Variants in PIK3C2G observed in about 807,000 individuals in gnomAD.
The protein encoded by PIK3C2G is phosphatidylinositol-4-phosphate 3-kinase catalytic subunit type 2 gamma, also known as phosphatidylinositol 3-kinase C2 domain-containing subunit gamma.
Under a neutral mutation model 181.1 loss-of-function variants are expected in PIK3C2G, and 168 were observed. The ratio of observed to expected loss-of-function variants is 0.93; its 90% confidence interval spans 0.82 to 1.05. The LOEUF (loss-of-function observed/expected upper bound fraction) is 1.05. Ranked by LOEUF, PIK3C2G falls within the 50% of genes least tolerant of loss-of-function variation. PIK3C2G has a pLI of 0.00. For synonymous variants in PIK3C2G, 573 were observed against 592.2 expected, an observed-to-expected ratio of 0.97 and a Z score of 0.47; for missense variants, 1,869 against 1,732.8, an observed-to-expected ratio of 1.08 and a Z score of -1.40.
At chr12:18,576,144 A>G (rs188316969) in intron 29 of PIK3C2G, among the ~76,000 whole-genome samples, 1 of 152,356 alleles carries the variant, frequency 6.6e-6, no homozygotes, top group Non-Finnish European at 1.5e-5. Context: ...AAAAATTTAG[A>G]AAAAGAAGTT....
At chr12:18,538,046 A>T in intron 24 of PIK3C2G, 110 bp from the exon 25 acceptor site, 2 of 990,428 alleles carry the variant, frequency 2.0e-6, no homozygotes, top group Non-Finnish European at 3.0e-6. Flanking sequence ...CTATTACAGT[A>T]GAGAAAAAAA....
intron 7 of PIK3C2G, 149 bp from the exon 8 acceptor site, chr12:18,324,886 G>GT: frequency 1.9e-6 from 1 of 527,632 alleles, no homozygotes; most frequent in Non-Finnish European, 3.3e-6. Context: ...CTTCTGAGAT[G>GT]TTTTTAAAAT....
Position 18,274,443 on chromosome 12 carries a change from C to G in PIK3C2G, c.-78-7561C>G, listed in dbSNP as rs576512364. ...GATAGACTGGATTAAGAAAATGTGG[C>G]ACATATACACCATGGAATACTATGC... On this transcript the variant is annotated intron_variant, in intron 1 of 32. Coordinates refer to ENST00000538779, the MANE Select transcript of PIK3C2G (RefSeq NM_001288772.2). Among the ~76,000 whole-genome samples the G allele has an allele frequency of 9.3e-4, 141 of 152,296 alleles. 2 individuals are homozygous for G. Among genetic ancestry groups the G allele is most frequent in the African/African-American group, 3.3e-3 (137 of 41,564 alleles).
intron 31 of PIK3C2G, among the ~76,000 whole-genome samples, chr12:18,611,505 A>G (rs1002171174): frequency 2.0e-5 from 3 of 151,980 alleles, no homozygotes; most frequent in African/African-American, 7.3e-5. Flanking sequence ...TCTTTTCCAA[A>G]TCTACAATTC....
intron 31 of PIK3C2G, among the ~76,000 whole-genome samples, chr12:18,614,845 C>G (rs1038959340): frequency 7.9e-5 from 12 of 152,128 alleles, no homozygotes; most frequent in African/African-American, 2.9e-4. Flanking sequence ...AACAGTTATA[C>G]AATATGGCCC....
chr12:18,596,749 G>C (rs571693089), intron 30 of PIK3C2G, among the ~76,000 whole-genome samples: 1 of 152,116 alleles, frequency 6.6e-6, no homozygotes, highest in African/African-American at 2.4e-5. Flanking sequence ...GAGAACTTGA[G>C]GCCATGCCAT....
At chr12:18,650,668 G>A (rs1446784373), downstream of PIK3C2G, among the ~76,000 whole-genome samples, 4 of 13,308 alleles carry the variant, frequency 3.0e-4, no homozygotes, top group African/African-American at 7.1e-4. Context: ...ATATAAATGT[G>A]TGTGTGTGTG....
intron 31 of PIK3C2G, among the ~76,000 whole-genome samples, chr12:18,617,312 G>A (rs74828794): frequency 0.013 from 1,938 of 152,158 alleles, 50 homozygotes; most frequent in African/African-American, 0.044. Context: ...TCCTTGCTGC[G>A]TGACTTACAT....
intron 3 of PIK3C2G, among the ~76,000 whole-genome samples, chr12:18,288,306 T>C (rs1949543069): frequency 6.6e-6 from 1 of 152,230 alleles, no homozygotes; most frequent in Non-Finnish European, 1.5e-5. Context: ...AAATAAAATG[T>C]TTGAATCATT....
rs776400269 is a variant in PIK3C2G, at chr12:18,488,541, ATGAT to A, written c.2598_2601del (p.Asn866LysfsTer32). ...CAATTCTGTGCAGGTAAAGCCTTGA[ATGAT>A]GAGTTTTCCAAGGAGCAGAAACTTA... On this transcript the variant is annotated frameshift_variant, in exon 19 of 33. Coordinates refer to ENST00000538779, the MANE Select transcript of PIK3C2G (RefSeq NM_001288772.2). LOFTEE classifies it high-confidence loss of function. 1.6e-5 allele frequency: 26 copies of A among 1,593,502 alleles called. No individual in the cohort carries two copies. The highest frequency in any genetic ancestry group is 2.1e-5 in the Non-Finnish European group (25 of 1,169,704).
At chr12:18,689,906 C>G in the PIK3C2G span, among the ~76,000 whole-genome samples, 2 of 152,110 alleles carry the variant, frequency 1.3e-5, no homozygotes, top group African/African-American at 4.8e-5. Context: ...AATCACAAAG[C>G]TCCCTAGAGT....
Position 18,293,975 on chromosome 12 carries a change from C to A in PIK3C2G, c.994C>A (p.His332Asn). ...AAATGACCAGCTACTCCCCAAAGAT[C>A]ATATTCTAAGTGTATGTGGCTCTGA... ...CTNDQLLPKD[H>N]ILSVCGSEEF... Residue 332 changes from histidine (H) to asparagine (N), a missense_variant, in exon 5 of 33, where the codon CAT becomes AAT. Physicochemically the swap from His to Asn is moderately conservative, Grantham distance 68. Coordinates refer to ENST00000538779, the MANE Select transcript of PIK3C2G (RefSeq NM_001288772.2). 1 of 1,598,084 alleles carries A rather than the reference C, an allele frequency of 6.3e-7. No individual in the cohort carries two copies. Among genetic ancestry groups the A allele is most frequent in the South Asian group, 1.1e-5 (1 of 90,714 alleles).
At chr12:18,318,881 G>C (rs993993311) in intron 6 of PIK3C2G, among the ~76,000 whole-genome samples, 2 of 150,888 alleles carry the variant, frequency 1.3e-5, no homozygotes, top group Non-Finnish European at 2.9e-5. Flanking sequence ...GATCACCTGA[G>C]GTCAGAAGTT....
At chr12:18,646,245 AT>A (rs1950124028) in intron 32 of PIK3C2G, among the ~76,000 whole-genome samples, 1 of 152,306 alleles carries the variant, frequency 6.6e-6, no homozygotes, top group Admixed American at 6.5e-5. Flanking sequence ...GTAATTTTGA[AT>A]AAATAAAAGT....
chr12:18,396,164 C>A (rs990409347), intron 15 of PIK3C2G, among the ~76,000 whole-genome samples: 3 of 151,302 alleles, frequency 2.0e-5, no homozygotes, highest in African/African-American at 7.3e-5. Context: ...TGTATATAAG[C>A]AATTAGATTT....
the PIK3C2G span, among the ~76,000 whole-genome samples, chr12:18,704,575 C>T: frequency 6.6e-6 from 1 of 152,190 alleles, no homozygotes; most frequent in Admixed American, 6.5e-5. Flanking sequence ...GATCCGCCCT[C>T]CTCAGCCTCC....
chr12:18,438,790 G>T (rs557314405), intron 18 of PIK3C2G, among the ~76,000 whole-genome samples: 1 of 151,872 alleles, frequency 6.6e-6, no homozygotes, highest in African/African-American at 2.4e-5. Context: ...CCTCTCCTAA[G>T]CTGGGTAGCC....
At chr12:18,494,455 G>T (rs1274513092) in intron 20 of PIK3C2G, among the ~76,000 whole-genome samples, 1 of 151,880 alleles carries the variant, frequency 6.6e-6, no homozygotes, top group East Asian at 1.9e-4. Context: ...GCTTTGTGAG[G>T]GGAGATGTAG....
At chr12:18,577,488 A>C (rs1946292286) in intron 29 of PIK3C2G, among the ~76,000 whole-genome samples, 1 of 152,218 alleles carries the variant, frequency 6.6e-6, no homozygotes, top group Admixed American at 6.5e-5. Context: ...AAGAAATTCC[A>C]GGCACTACAT....
Sources: gnomAD v4.1 joint callset for allele counts (sites outside exome capture counted in the v4.1 genomes callset) on GRCh38, gnomAD v4.1.1 for gene constraint, MANE v1.5 for transcripts, NCBI Gene and HGNC (gene_info 2026-07-23, HGNC 2026-07-21) for gene names.